QRICH2: variants seen among roughly 807,000 people sequenced by gnomAD.
QRICH2 encodes glutamine rich 2.
A neutral mutation model predicts 168.3 loss-of-function variants in QRICH2; 119 were observed. The observed-to-expected ratio is 0.71, with a 90% CI of 0.61 to 0.82. The LOEUF is 0.82. Ranked by LOEUF, QRICH2 falls within the 40% of genes least tolerant of loss-of-function variation. The pLI is 0.00. For synonymous variants in QRICH2, 894 were observed against 951.2 expected (o/e 0.94, Z 1.11); for missense variants, 2,241 against 2,491.6 (o/e 0.90, Z 2.14).
chr17:76,290,025 C>G lies in QRICH2; in HGVS notation c.3765G>C (p.Thr1255=), dbSNP rs4789274. Residue 1255 remains threonine (T), a synonymous_variant, in exon 5 of 19, where the codon ACG becomes ACC. Transcript: ENST00000680821. ...TCTCCTGCCAAACTTCTTTGGCTAG[C>G]GTCTTTACGGTCTTCAGCTGCTCCT... ...ELQEQLKTVK[T]LAKEVWQEKA... The G allele has an allele frequency of 4.3e-6, 7 of 1,610,732 alleles. No individual in the cohort carries two copies. In the Admixed American group the frequency reaches 1.2e-4, roughly 27 times the overall value.
chr17:76,284,168 C>CAAAAAAAAAAAAAAA lies in QRICH2; in HGVS notation c.4012-2068_4012-2054dup, dbSNP rs61553346. On this transcript the variant is annotated intron_variant, in intron 7 of 18. Coordinates refer to ENST00000680821, the MANE Select transcript of QRICH2 (RefSeq NM_001388453.1). ...GGGCAACAGAGCAAAACTCTGTCTC[C>CAAAAAAAAAAAAAAA]AAAAAAAAAAAAAAAAAAAAAAAAA... Among the ~76,000 whole-genome samples, 65 of 62,738 alleles carry CAAAAAAAAAAAAAAA rather than the reference C, an allele frequency of 1.0e-3. 1 individual carries two copies. The highest frequency in any genetic ancestry group is 2.7e-3 in the African/African-American group (25 of 9,184). The allele number at this position is 62,738 out of a possible 152,430, so 41.2% of individuals were successfully genotyped here. A position where few individuals can be genotyped will look rare whatever the true frequency, so the allele number is the denominator to read the frequency against.
chr17:76,307,756 C>A lies in QRICH2; in HGVS notation c.243G>T (p.Lys81Asn), dbSNP rs1469899059. 5 of 1,378,902 alleles carry A rather than the reference C, an allele frequency of 3.6e-6. No homozygotes were observed. Among genetic ancestry groups the A allele is most frequent in the African/African-American group, 1.5e-5 (1 of 66,932 alleles). The allele number at this position is 1,378,902 out of a possible 1,614,324, so 85.4% of individuals were successfully genotyped here. ...CCCTGCGCTTCTCCCGGGGCGCCCC[C>A]TTGGGCACCTCCTTGGGCGCGGGCA... Reference protein sequence around the residue: ...PHLPAPKEVPKGAPREKRRGV... With the variant: ...PHLPAPKEVPNGAPREKRRGV... Residue 81 changes from lysine (K) to asparagine (N), a missense_variant, in exon 1 of 19, where the codon AAG (lysine) becomes AAT (asparagine). Physicochemically the swap from Lys to Asn is moderately conservative, Grantham distance 94. This residue lies in a region of QRICH2 where 2,047 missense variants were observed against 2,303.8 expected (regional missense o/e 0.89). Coordinates refer to ENST00000680821, the MANE Select transcript of QRICH2 (RefSeq NM_001388453.1). The surrounding 1 kb of genome is among the most constrained non-coding windows in gnomAD (Gnocchi z 5.3).
rs1389969703 is a variant in QRICH2 at position 76,293,116 on chromosome 17, T to G, written c.1611A>C (p.Ser537=). ...LPFTDQHGLV[S]PGLMPISADQ... is the part of the protein sequence containing the mutation. ...CTGCACTAATTGGCATCAAACCAGG[T>G]GATACCAAACCATGCTGGTCTGTAA... Residue 537 remains serine, a synonymous_variant, in exon 4 of 19, where the codon TCA becomes TCC. Transcript: ENST00000680821. The G allele has an allele frequency of 2.5e-6, 4 of 1,614,080 alleles. No homozygotes were observed. In the Admixed American group the frequency reaches 6.7e-5, roughly 27 times the overall value.
chr17:76,308,241 G>C lies in QRICH2; in HGVS notation c.-243C>G. On this transcript the variant is annotated 5_prime_UTR_variant, in exon 1 of 19. Coordinates refer to ENST00000680821, the MANE Select transcript of QRICH2 (RefSeq NM_001388453.1). ...GCTGGCCTCGGGTCCCCGAGCTGGA[G>C]CCCTGGACTCCCAGTCCCCGCGCCG... 1.0e-6 allele frequency: 1 copy of C among 985,438 alleles called. No homozygotes were observed. Among genetic ancestry groups the C allele is most frequent in the Non-Finnish European group, 1.2e-6 (1 of 829,902 alleles). The allele number at this position is 985,438 out of a possible 1,614,324, so 61.0% of individuals were successfully genotyped here.
intron 2 of QRICH2, 60 bp from the exon 3 acceptor site, chr17:76,304,585 G>C (rs1240032064): frequency 4.0e-6 from 5 of 1,239,504 alleles, no homozygotes; most frequent in Non-Finnish European, 5.8e-6. Flanking sequence ...GCAGCTTTAG[G>C]AACAGACTTG....
chr17:76,275,901 C>T lies in QRICH2; in HGVS notation c.5400G>A (p.Val1800=), dbSNP rs1423566005. ...TGCTGCTGAGGGATGGCGGCCTGTG[C>T]ACGTGGGGCCTGGGCTGCTGGGACT... ...KRKSQQPRPH[V]HRPPSLSSNG... is the part of the protein sequence containing the mutation. Residue 1800 remains valine (V), a synonymous_variant, in exon 18 of 19, where the codon GTG becomes GTA. Transcript: ENST00000680821. The T allele has an allele frequency of 6.2e-7, 1 of 1,609,056 alleles. No individual in the cohort carries two copies.
rs2071034575 is a variant in QRICH2 at position 76,292,799 on chromosome 17, G to T, written c.1928C>A (p.Pro643His). The change falls in exon 4 of 19, where the codon CCT becomes CAT. Residue 643 changes from proline to histidine, a missense_variant. Transcript: ENST00000680821. ...PGRDQHGLIQ[P>H]GTGQHDLVQS... is the part of the protein sequence containing the mutation. ...GACCAAATCATGCTGACCTGTGCCA[G>T]GCTGGATCAAACCATGCTGATCTCT... 1 of 1,613,726 alleles carries T rather than the reference G, an allele frequency of 6.2e-7. No homozygotes were observed. Among genetic ancestry groups the T allele is most frequent in the African/African-American group, 1.3e-5 (1 of 74,812 alleles).
Position 76,282,110 on chromosome 17 carries a change from G to A in QRICH2, c.4017C>T (p.Asp1339=). ...TGCTCTCAATGATCATCCTGAGCTTGTCCAACTGCGTGCAGGAGAGACGGC... is the reference window on the plus strand; with the variant it reads ...TGCTCTCAATGATCATCCTGAGCTTATCCAACTGCGTGCAGGAGAGACGGC... ...EASLYLQDQL[D]KLRMIIESML... Residue 1339 remains aspartate (D), a synonymous_variant, in exon 8 of 19, where the codon GAC becomes GAT. Coordinates refer to ENST00000680821, the MANE Select transcript of QRICH2 (RefSeq NM_001388453.1). 6.2e-7 allele frequency: 1 copy of A among 1,601,184 alleles called. No individual in the cohort carries two copies. Among genetic ancestry groups the A allele is most frequent in the South Asian group, 1.1e-5 (1 of 90,666 alleles).
chr17:76,277,583 T>C (rs2070706632), intron 15 of QRICH2, among the ~76,000 whole-genome samples: 1 of 151,474 alleles, frequency 6.6e-6, no homozygotes, highest in Admixed American at 6.6e-5. Context: ...CACACATACA[T>C]GCACACACAC....
chr17:76,283,105 C>T lies in QRICH2; in HGVS notation c.4012-990G>A, dbSNP rs376660604. Among the ~76,000 whole-genome samples the T allele has an allele frequency of 2.0e-3, 303 of 152,344 alleles. 1 individual carries two copies. The highest frequency in any genetic ancestry group is 6.7e-3 in the African/African-American group (280 of 41,580). ...CTGCACATCCCCAGGGCAGCATCCT[C>T]TTGCCTGGGCTCACAGAGATGCTGC... On this transcript the variant is annotated intron_variant, in intron 7 of 18. Coordinates refer to ENST00000680821, the MANE Select transcript of QRICH2 (RefSeq NM_001388453.1).
At position 76,307,465 on chromosome 17, in the gene QRICH2, C is replaced by T; in HGVS notation, c.534G>A (p.Arg178=). ...KDAAEELSFA[R]VLLQRVDELE... ...CGCGTGCCTCCGTGTGCGTGCTCAC[C>T]CTGGCAAAGCTGAGCTCCTCGGCGG... Residue 178 remains arginine (R), a splice_region_variant and synonymous_variant, in exon 1 of 19, where the codon AGG becomes AGA. Coordinates refer to ENST00000680821, the MANE Select transcript of QRICH2 (RefSeq NM_001388453.1). This position sits in a 1 kb window ranked among gnomAD's most constrained non-coding sequence, Gnocchi z 5.3. The T allele has an allele frequency of 6.2e-7, 1 of 1,613,758 alleles. No individual in the cohort carries two copies. Among genetic ancestry groups the T allele is most frequent in the Non-Finnish European group, 8.5e-7 (1 of 1,179,838 alleles).
chr17:76,279,209 G>T, intron 13 of QRICH2, 67 bp from the exon 14 acceptor site: 2 of 1,418,244 alleles, frequency 1.4e-6, no homozygotes, highest in South Asian at 1.2e-5. Context: ...AAATCCACCT[G>T]CCTAAAGAAC....
At chr17:76,308,408 C>A (rs1003160506), upstream of QRICH2, 1 of 985,386 alleles carries the variant, frequency 1.0e-6, no homozygotes, top group East Asian at 1.1e-4. Context: ...GCTGAGGAGG[C>A]CTCCTAAGAT....
intron 3 of QRICH2, among the ~76,000 whole-genome samples, chr17:76,298,181 ATTTTT>A (rs1244588706): frequency 1.2e-5 from 1 of 84,262 alleles, no homozygotes; most frequent in African/African-American, 5.4e-5. Flanking sequence ...TTTCTGGCTA[ATTTTT>A]TTTTTTTTTT....
Position 76,293,048 on chromosome 17 carries a change from A to C in QRICH2, c.1679T>G (p.Phe560Cys), listed in dbSNP as rs1463581302. ...ATGCTGCTCTGTGCCAGGTTGTATG[A>C]AGCCAGTTGCTTCCAAACTGGGCTG... The part of the protein sequence containing the change: ...FVQPSLEATG[F>C]IQPGTEQHDL... The change falls in exon 4 of 19, where the codon TTC (phenylalanine) becomes TGC (cysteine). Residue 560 changes from phenylalanine to cysteine, a missense_variant. Physicochemically the swap from Phe to Cys is radical, Grantham distance 205. This residue lies in a region of QRICH2 where 2,047 missense variants were observed against 2,303.8 expected (regional missense o/e 0.89). Transcript: ENST00000680821. 7 of 1,614,156 alleles carry C rather than the reference A, an allele frequency of 4.3e-6. No individual in the cohort carries two copies. The Admixed American group carries it at 1.2e-4, about 27-fold the overall frequency.
chr17:76,287,105 G>T, intron 7 of QRICH2, 87 bp downstream of exon 7: 1 of 706,252 alleles, frequency 1.4e-6, no homozygotes. Context: ...GAGGGACCTA[G>T]TTTTTGATGA....
At position 76,307,859 on chromosome 17, in the gene QRICH2, C is replaced by T; in HGVS notation, c.140G>A (p.Arg47Gln). Residue 47 changes from arginine (R) to glutamine (Q), a missense_variant, in exon 1 of 19, where the codon CGG (arginine) becomes CAG (glutamine). Coordinates refer to ENST00000680821, the MANE Select transcript of QRICH2 (RefSeq NM_001388453.1). The surrounding 1 kb of genome is among the most constrained non-coding windows in gnomAD (Gnocchi z 5.3). ...MLKNLDLQNT[R>Q]IDFQPSSPEP... The stretch of plus-strand genomic sequence containing the variant: ...GGGCGACGAGGGCTGGAAGTCGATC[C>T]GGGTATTTTGGAGGTCGAGGTTCTT... 2.4e-6 allele frequency: 3 copies of T among 1,274,940 alleles called. No individual in the cohort carries two copies. Among genetic ancestry groups the T allele is most frequent in the Non-Finnish European group, 3.0e-6 (3 of 1,012,670 alleles). 79.0% of individuals were successfully genotyped at this position (1,274,940 alleles called of 1,614,324 possible). A position where few individuals can be genotyped will look rare whatever the true frequency, so the allele number is the denominator to read the frequency against.
chr17:76,277,151 C>T lies in QRICH2; in HGVS notation c.5265+12G>A. 1 of 1,546,978 alleles carries T rather than the reference C, an allele frequency of 6.5e-7. No homozygotes were observed. The highest frequency in any genetic ancestry group is 1.2e-5 in the South Asian group (1 of 81,348). Reference sequence around the variant, plus strand: ...GGCCTCCCTCCCTGGTGGCTCCAGGCAGGGCCCTGACCTTCATGGCAATCT... The same window carrying T: ...GGCCTCCCTCCCTGGTGGCTCCAGGTAGGGCCCTGACCTTCATGGCAATCT... On this transcript the variant is annotated intron_variant, in intron 16 of 18. Coordinates refer to ENST00000680821, the MANE Select transcript of QRICH2 (RefSeq NM_001388453.1).
Position 76,280,676 on chromosome 17 carries a change from TG to T in QRICH2, c.4438del (p.His1480ThrfsTer8). On this transcript the variant is annotated frameshift_variant, in exon 10 of 19. Coordinates refer to ENST00000680821, the MANE Select transcript of QRICH2 (RefSeq NM_001388453.1). LOFTEE classifies it high-confidence loss of function. The surrounding 1 kb of genome is among the most constrained non-coding windows in gnomAD (Gnocchi z 7.4). ...CACCACATCGATCTCCATCTCCAGG[TG>T]CTCCCTGTTGGCCTTTTCCTTTTCG... ...KLEKEKANRE[H>X]LEMEIDVKAD... 3 of 1,614,148 alleles carry T rather than the reference TG, an allele frequency of 1.9e-6. No homozygotes were observed. The highest frequency in any genetic ancestry group is 2.5e-6 in the Non-Finnish European group (3 of 1,180,024).
Sources: allele counts gnomAD v4.1 joint callset (sites outside exome capture counted in the v4.1 genomes callset), GRCh38; gene constraint gnomAD v4.1.1; regional missense constraint gnomAD v4.1.1; non-coding constraint Gnocchi (gnomAD v3.1); transcripts MANE v1.5; gene names NCBI Gene and HGNC (gene_info 2026-07-23, HGNC 2026-07-21).